EYS: variants seen among roughly 807,000 people sequenced by gnomAD.
The protein encoded by EYS is EGF-like photoreceptor maintenance factor, also known as protein eyes shut homolog.
In EYS, 250 loss-of-function variants were observed where a neutral mutation model predicts 282.1. The ratio of observed to expected loss-of-function variants is 0.89; its 90% CI spans 0.80 to 0.98. The LOEUF is 0.98. EYS is among the 50% of genes least tolerant of loss of function. EYS has a pLI of 0.00. For synonymous variants in EYS, 1,355 were observed against 1,282.9 expected, an observed-to-expected ratio of 1.06 and a Z score of -1.20; for missense variants, 4,016 against 3,709.0, an observed-to-expected ratio of 1.08 and a Z score of -2.15.
intron 15 of EYS, among the ~76,000 whole-genome samples, chr6:64,936,025 C>T (rs1768894132): frequency 6.6e-6 from 1 of 151,498 alleles, no homozygotes; most frequent in Admixed American, 6.6e-5. Context: ...CTTAGGAATA[C>T]AGACCCCAAA....
At chr6:65,053,928 T>C (rs1198949047) in intron 13 of EYS, among the ~76,000 whole-genome samples, 1 of 152,008 alleles carries the variant, frequency 6.6e-6, no homozygotes, top group Non-Finnish European at 1.5e-5. Context: ...ACATTGTTTA[T>C]GTGTACTATT....
In EYS at chr6:63,984,727, T is replaced by C. The variant is rs1482456; in HGVS notation, c.6835-124A>G. ...TGTTTTTCTGTGTAAAAGAGGTTGC[T>C]ATTGTTGGCTAGTTTTGTCACTTCT... is the stretch of plus-strand genomic sequence containing the variant. On this transcript the variant is annotated intron_variant, in intron 34 of 42. Transcript: ENST00000503581. The C allele has an allele frequency of 0.36, 286,375 of 785,878 alleles. 53,211 individuals carry two copies. Among genetic ancestry groups the C allele is most frequent in the African/African-American group, 0.46 (25,820 of 56,304 alleles). 48.7% of individuals were successfully genotyped at this position (785,878 alleles called of 1,614,324 possible). A position where few individuals can be genotyped will look rare whatever the true frequency, so the allele number is the denominator to read the frequency against.
At chr6:64,515,845 C>A (rs1385118273) in intron 26 of EYS, among the ~76,000 whole-genome samples, 1 of 151,394 alleles carries the variant, frequency 6.6e-6, no homozygotes, top group Non-Finnish European at 1.5e-5. Context: ...TATGGCAATA[C>A]CCAAATATCT....
intron 2 of EYS, among the ~76,000 whole-genome samples, chr6:65,584,191 A>G (rs354357): frequency 0.012 from 1,764 of 152,112 alleles, 43 homozygotes; most frequent in African/African-American, 0.04. Context: ...TATTACCTGG[A>G]AAATAGGTAG....
intron 22 of EYS, among the ~76,000 whole-genome samples, chr6:64,676,342 A>ATC (rs879376220): frequency 0.078 from 11,319 of 144,818 alleles, 510 homozygotes; most frequent in Non-Finnish European, 0.12. Flanking sequence ...ATATATCTAT[A>ATC]TATATATATA....
intron 5 of EYS, among the ~76,000 whole-genome samples, chr6:65,430,151 G>A (rs1253332493): frequency 6.6e-6 from 1 of 152,068 alleles, no homozygotes; most frequent in South Asian, 2.1e-4. Flanking sequence ...CCTCTTCAGG[G>A]ACACAAAGTT....
chr6:64,860,628 G>T (rs1583232154), intron 19 of EYS, among the ~76,000 whole-genome samples: 1 of 152,212 alleles, frequency 6.6e-6, no homozygotes, highest in East Asian at 1.9e-4. Context: ...CCTAGGTCCG[G>T]GCTCCCTGAA....
rs530838663 is a variant in EYS at position 64,684,279 on chromosome 6, T to C, written c.3444-58034A>G. On this transcript the variant is annotated intron_variant, in intron 22 of 42. Transcript: ENST00000503581. ...ATTACCATGAACAACAACAGAAATA[T>C]AAAACCTGTCAGCTCAGAAATATGT... Among the ~76,000 whole-genome samples, 3 of 152,228 alleles carry C rather than the reference T, an allele frequency of 2.0e-5. No homozygotes were observed. The South Asian group carries it at 6.2e-4, about 32-fold the overall frequency.
intron 12 of EYS, among the ~76,000 whole-genome samples, chr6:65,162,777 T>C (rs1343881717): frequency 2.6e-5 from 4 of 151,124 alleles, no homozygotes; most frequent in African/African-American, 4.8e-5. Context: ...AAAATTAAAA[T>C]GAGACATTTC....
intron 28 of EYS, among the ~76,000 whole-genome samples, chr6:64,406,889 A>G (rs544602520): frequency 6.6e-6 from 1 of 152,306 alleles, no homozygotes; most frequent in South Asian, 2.1e-4. Flanking sequence ...TGTGGAAGAC[A>G]GTGTGGCGAT....
At chr6:65,186,286 TA>T (rs1465893604) in intron 12 of EYS, among the ~76,000 whole-genome samples, 1 of 151,732 alleles carries the variant, frequency 6.6e-6, no homozygotes, top group African/African-American at 2.4e-5. Context: ...TTGTGAGAGT[TA>T]AAATATAGGA....
chr6:65,357,889 T>C (rs775676629), intron 8 of EYS, among the ~76,000 whole-genome samples: 5 of 151,936 alleles, frequency 3.3e-5, no homozygotes, highest in Admixed American at 6.6e-5. Flanking sequence ...TAAACTTAAA[T>C]AAAAAGACAA....
chr6:64,409,725 A>G (rs1218868208), intron 28 of EYS, among the ~76,000 whole-genome samples: 2 of 152,170 alleles, frequency 1.3e-5, no homozygotes, highest in Admixed American at 1.3e-4. Flanking sequence ...AAGGTAAGAG[A>G]TACATGGTTT....
intron 26 of EYS, among the ~76,000 whole-genome samples, chr6:64,492,123 T>A (rs1250405313): frequency 6.6e-6 from 1 of 151,136 alleles, no homozygotes; most frequent in Non-Finnish European, 1.5e-5. Flanking sequence ...AACCTATATC[T>A]TTTTTCAATA....
intron 19 of EYS, among the ~76,000 whole-genome samples, chr6:64,872,101 G>A (rs1487638269): frequency 6.6e-6 from 1 of 151,910 alleles, no homozygotes; most frequent in Non-Finnish European, 1.5e-5. Context: ...TTATATAGTA[G>A]CCAGGTAAAT....
chr6:65,332,186 G>T, intron 11 of EYS: 1 of 494,606 alleles, frequency 2.0e-6, no homozygotes, highest in Non-Finnish European at 3.6e-6. Flanking sequence ...TTTATTTGTT[G>T]AGTGTTTGTT....
chr6:64,639,183 C>T (rs1012580172), intron 22 of EYS, among the ~76,000 whole-genome samples: 1 of 89,116 alleles, frequency 1.1e-5, no homozygotes, highest in East Asian at 2.5e-4. Flanking sequence ...TATAAGGACA[C>T]CAGCCATGTT....
At position 64,591,565 on chromosome 6, in the gene EYS, A is replaced by T. The variant is rs776913463; in HGVS notation, c.4302T>A (p.Ala1434=). 8 of 1,551,286 alleles carry T rather than the reference A, an allele frequency of 5.2e-6. No individual in the cohort carries two copies. The South Asian group carries it at 9.5e-5, about 18-fold the overall frequency. The change falls in exon 26 of 43, where the codon GCT becomes GCA. Residue 1434 remains alanine, a synonymous_variant. Coordinates refer to ENST00000503581, the MANE Select transcript of EYS (RefSeq NM_001142800.2). ...ATGACTGCCTGTTTAGCTCAATATC[A>T]GCCCCTGGAATGCTTCTAATTACTG... is the stretch of plus-strand genomic sequence containing the variant. The part of the protein sequence containing the change: ...TTSVIRSIPG[A]DIELNRQSLL...
chr6:64,070,120 A>G (rs1771519859), intron 32 of EYS, among the ~76,000 whole-genome samples: 1 of 152,120 alleles, frequency 6.6e-6, no homozygotes, highest in African/African-American at 2.4e-5. Flanking sequence ...TTTTTCAAAT[A>G]CATACAAACT....
Sources: gnomAD v4.1 joint callset for allele counts (sites outside exome capture counted in the v4.1 genomes callset) on GRCh38, gnomAD v4.1.1 for gene constraint, MANE v1.5 for transcripts, NCBI Gene and HGNC (gene_info 2026-07-23, HGNC 2026-07-21) for gene names.